CBLB: variants seen among roughly 807,000 people sequenced by gnomAD.
CBLB encodes E3 ubiquitin-protein ligase CBL-B.
Under a neutral mutation model 104.9 loss-of-function variants are expected in CBLB, and 31 were observed. The ratio of observed to expected loss-of-function variants is 0.30; its 90% confidence interval spans 0.22 to 0.40. The LOEUF (loss-of-function observed/expected upper bound fraction) is 0.40, where lower values mean the gene tolerates loss of function less well. Among genes scored for constraint, CBLB ranks in the 10% least tolerant of loss-of-function variants. CBLB has a pLI of 1.00. For missense variants in CBLB, 1,062 were observed against 1,214.6 expected (o/e 0.87, Z 1.87); for synonymous variants, 440 against 422.6 (o/e 1.04, Z -0.51).
At chr3:105,829,624 A>G (rs1441829330) in intron 3 of CBLB, among the ~76,000 whole-genome samples, 1 of 119,270 alleles carries the variant, frequency 8.4e-6, no homozygotes, top group African/African-American at 3.2e-5. Flanking sequence ...AGCTGTGTTC[A>G]TGCCACCACA....
chr3:105,868,121 G>GC (rs1706389316), intron 1 of CBLB: 1 of 733,844 alleles, frequency 1.4e-6, no homozygotes, highest in Admixed American at 4.1e-5. Context: ...CAACAAAAGC[G>GC]CAGGGCATGT....
chr3:105,863,523 T>A (rs1371256232), intron 2 of CBLB, among the ~76,000 whole-genome samples: 1 of 152,180 alleles, frequency 6.6e-6, no homozygotes, highest in African/African-American at 2.4e-5. Flanking sequence ...CCTGTCTTAG[T>A]CCACATGGAA....
chr3:105,731,893 T>C (rs962399063), intron 9 of CBLB, among the ~76,000 whole-genome samples: 4 of 152,216 alleles, frequency 2.6e-5, no homozygotes, highest in Non-Finnish European at 5.9e-5. Context: ...ATGTGAAGTC[T>C]TGCAACATGT....
chr3:105,737,107 C>G, intron 8 of CBLB, 64 bp downstream of exon 8: 1 of 783,370 alleles, frequency 1.3e-6, no homozygotes, highest in Non-Finnish European at 2.2e-6. Context: ...CTAAGAGAGT[C>G]TTATTTATTT....
At position 105,853,595 on chromosome 3, in the gene CBLB, C is replaced by A; in HGVS notation, c.238G>T (p.Asp80Tyr). ...SPPYILDILPDTYQHLRLILS... is the reference protein window; with the variant it reads ...SPPYILDILPYTYQHLRLILS... ...ATAAGTCGTAAATGCTGATATGTAT[C>A]AGGCAAAATATCAAGTATATATGGT... is the stretch of plus-strand genomic sequence containing the variant. The change falls in exon 3 of 19, where the codon GAT (aspartate) becomes TAT (tyrosine). Residue 80 changes from aspartate to tyrosine, a missense_variant. Asp to Tyr is a radical substitution (Grantham distance 160). Transcript: ENST00000394030. The A allele has an allele frequency of 6.2e-7, 1 of 1,611,202 alleles. No homozygotes were observed. The highest frequency in any genetic ancestry group is 8.5e-7 in the Non-Finnish European group (1 of 1,177,806).
At chr3:105,799,815 G>C (rs1317942436) in intron 3 of CBLB, among the ~76,000 whole-genome samples, 1 of 152,050 alleles carries the variant, frequency 6.6e-6, no homozygotes, top group Non-Finnish European at 1.5e-5. Context: ...TAGAAAATGT[G>C]GACAAGTTAT....
intron 3 of CBLB, among the ~76,000 whole-genome samples, chr3:105,842,881 GAA>G (rs1356012570): frequency 1.3e-5 from 2 of 152,182 alleles, no homozygotes; most frequent in Non-Finnish European, 2.9e-5. Context: ...CTGTGTTGAT[GAA>G]ACTTACATAT....
intron 13 of CBLB, among the ~76,000 whole-genome samples, chr3:105,692,229 C>G (rs564157496): frequency 6.6e-6 from 1 of 152,256 alleles, no homozygotes; most frequent in South Asian, 2.1e-4. Context: ...TGTGTACTTA[C>G]TTACTATATG....
intron 9 of CBLB, among the ~76,000 whole-genome samples, chr3:105,726,821 T>C (rs1196549019): frequency 6.6e-6 from 1 of 152,182 alleles, no homozygotes; most frequent in African/African-American, 2.4e-5. Flanking sequence ...TCTGTTCTTG[T>C]GTTAGTTTGC....
intron 7 of CBLB, among the ~76,000 whole-genome samples, chr3:105,739,334 T>C (rs773452001): frequency 2.0e-5 from 3 of 152,238 alleles, no homozygotes; most frequent in Non-Finnish European, 4.4e-5. Flanking sequence ...ATTTGCTCTT[T>C]GTTAACTCTG....
At chr3:105,853,261 G>T (rs369329487) in intron 3 of CBLB, among the ~76,000 whole-genome samples, 153 bp downstream of exon 3, 1 of 152,128 alleles carries the variant, frequency 6.6e-6, no homozygotes, top group Non-Finnish European at 1.5e-5. Flanking sequence ...TGCATTTCTT[G>T]TAAAGTATCC....
chr3:105,676,434 CT>C (rs1218185527), intron 17 of CBLB, among the ~76,000 whole-genome samples: 2 of 151,952 alleles, frequency 1.3e-5, no homozygotes, highest in Non-Finnish European at 2.9e-5. Context: ...TATTATAGCT[CT>C]TGGAAAGCTT....
chr3:105,746,136 G>A, intron 5 of CBLB, 98 bp from the exon 6 acceptor site: 1 of 856,762 alleles, frequency 1.2e-6, no homozygotes, highest in Non-Finnish European at 1.8e-6. Context: ...CATTATCTTG[G>A]ATATTTTAAA....
intron 4 of CBLB, among the ~76,000 whole-genome samples, chr3:105,762,665 G>C (rs1203216646): frequency 6.6e-6 from 1 of 152,246 alleles, no homozygotes; most frequent in Admixed American, 6.5e-5. Context: ...CATCCAGGTA[G>C]AAGTTTGCTG....
In CBLB at chr3:105,704,180, C is replaced by G. The variant is rs763800608; in HGVS notation, c.1408-7G>C. On this transcript the variant is annotated splice_region_variant and splice_polypyrimidine_tract_variant and intron_variant, in intron 10 of 18. Transcript: ENST00000394030. Reference sequence around the variant, plus strand: ...AGTTCTGCCTGTCAGTGCACTAGAACAGAAAAAGAGAAAGATGCCGCTGTT... The same window carrying G: ...AGTTCTGCCTGTCAGTGCACTAGAAGAGAAAAAGAGAAAGATGCCGCTGTT... 1.2e-6 allele frequency: 2 copies of G among 1,613,444 alleles called. No homozygotes were observed. The highest frequency in any genetic ancestry group is 3.3e-5 in the Admixed American group (2 of 59,986).
intron 9 of CBLB, among the ~76,000 whole-genome samples, chr3:105,726,303 T>A (rs1227078162): frequency 6.6e-6 from 1 of 152,204 alleles, no homozygotes; most frequent in Non-Finnish European, 1.5e-5. Flanking sequence ...AGTTTATTGA[T>A]TTTTTTGTAA....
intron 3 of CBLB, among the ~76,000 whole-genome samples, chr3:105,807,259 CA>C (rs1320715537): frequency 3.2e-4 from 48 of 152,262 alleles, no homozygotes; most frequent in Admixed American, 9.2e-4. Context: ...TACTTTTCCT[CA>C]AAAAACTGTG....
rs780563285 is a variant in CBLB, at chr3:105,740,571, C to T, written c.906G>A (p.Gly302=). Residue 302 remains glycine (G), a synonymous_variant, in exon 7 of 19, where the codon GGG becomes GGA. Transcript: ENST00000394030. ...LGQWAIGYVT[G]DGNILQTIPH... ...GTATGGTCTGTAAGATATTCCCATC[C>T]CCAGTCACATAGCCAATGGCCCACT... The T allele has an allele frequency of 6.8e-6, 11 of 1,613,810 alleles. No individual in the cohort carries two copies. In the Admixed American group the frequency reaches 1.8e-4, roughly 27 times the overall value.
chr3:105,712,243 T>C (rs1342972107), intron 10 of CBLB, among the ~76,000 whole-genome samples: 1 of 152,156 alleles, frequency 6.6e-6, no homozygotes, highest in Non-Finnish European at 1.5e-5. Context: ...TCCAAATATA[T>C]GTGTGATTTT....
Sources: allele counts gnomAD v4.1 joint callset (sites outside exome capture counted in the v4.1 genomes callset), GRCh38; gene constraint gnomAD v4.1.1; transcripts MANE v1.5; gene names NCBI Gene and HGNC (gene_info 2026-07-23, HGNC 2026-07-21).